The following RABGAP1L variants were observed in gnomAD, a reference collection of about 807,000 sequenced individuals.
RABGAP1L encodes rab GTPase-activating protein 1-like.
A neutral mutation model predicts 137.7 loss-of-function variants in RABGAP1L; 63 were observed. That is an observed-to-expected ratio of 0.46 (90% CI 0.37 to 0.56). The LOEUF (loss-of-function observed/expected upper bound fraction) is 0.56, where lower values mean the gene tolerates loss of function less well. RABGAP1L is among the 20% of genes least tolerant of loss of function. The probability of loss-of-function intolerance (pLI) is 0.00; values close to 1 mark genes in which losing one functional copy is unlikely to be tolerated. For missense variants in RABGAP1L, 1,095 were observed against 1,244.0 expected (o/e 0.88, Z 1.80); for synonymous variants, 431 against 433.7 (o/e 0.99, Z 0.08).
chr1:174,833,202 TTTA>T (rs1361889057), intron 19 of RABGAP1L, among the ~76,000 whole-genome samples: 4 of 151,560 alleles, frequency 2.6e-5, no homozygotes, highest in African/African-American at 9.7e-5. Context: ...GCATAATGTA[TTTA>T]TTTTTATTTT....
chr1:174,593,813 A>AG (rs1669757188), intron 13 of RABGAP1L, among the ~76,000 whole-genome samples: 1 of 1,264 alleles, frequency 7.9e-4, no homozygotes, highest in Non-Finnish European at 1.5e-3. Context: ...TGTGGTGCTG[A>AG]AAAAAATGTA....
At chr1:174,602,084 C>T (rs932413195) in intron 13 of RABGAP1L, among the ~76,000 whole-genome samples, 1 of 152,204 alleles carries the variant, frequency 6.6e-6, no homozygotes, top group African/African-American at 2.4e-5. Flanking sequence ...ACTGTTCCAA[C>T]CTCTACCTGT....
intron 13 of RABGAP1L, among the ~76,000 whole-genome samples, chr1:174,597,116 G>C (rs1453618203): frequency 6.6e-6 from 1 of 152,040 alleles, no homozygotes; most frequent in Non-Finnish European, 1.5e-5. Flanking sequence ...AATTTGGTTT[G>C]CTAGTATTTT....
chr1:174,801,851 T>TA (rs545533546), intron 18 of RABGAP1L, among the ~76,000 whole-genome samples: 476 of 152,310 alleles, frequency 3.1e-3, no homozygotes, highest in Non-Finnish European at 4.4e-3. Flanking sequence ...TGTGAAGTGC[T>TA]AAACTATATT....
intron 1 of RABGAP1L, among the ~76,000 whole-genome samples, chr1:174,211,149 A>G (rs1182693321): frequency 6.6e-6 from 1 of 152,222 alleles, no homozygotes; most frequent in Non-Finnish European, 1.5e-5. Context: ...ATCTGAAGGT[A>G]CAAAACTCAC....
Position 174,448,430 on chromosome 1 carries a change from G to C in RABGAP1L, c.1710+54285G>C. The C allele has an allele frequency of 3.7e-6, 6 of 1,613,188 alleles. No individual in the cohort carries two copies. The highest frequency in any genetic ancestry group is 5.1e-6 in the Non-Finnish European group (6 of 1,179,184). Reference sequence around the variant, plus strand: ...TCTGTCACTTCTCCACTACTCCACAGGTGTCCACGAGTCATTGACTTGCCA... The same window carrying C: ...TCTGTCACTTCTCCACTACTCCACACGTGTCCACGAGTCATTGACTTGCCA... On this transcript the variant is annotated intron_variant, in intron 13 of 25. Coordinates refer to ENST00000681986, the MANE Select transcript of RABGAP1L (RefSeq NM_001366446.1). The surrounding 1 kb of genome is among the most constrained non-coding windows in gnomAD (Gnocchi z 4.2).
chr1:174,974,693 C>T (rs995894927), intron 21 of RABGAP1L, among the ~76,000 whole-genome samples: 3 of 152,202 alleles, frequency 2.0e-5, no homozygotes, highest in African/African-American at 7.2e-5. Flanking sequence ...GATCTGCAAA[C>T]AAAGCTCTAA....
chr1:174,655,024 T>C (rs924540391), intron 14 of RABGAP1L, among the ~76,000 whole-genome samples: 4 of 152,226 alleles, frequency 2.6e-5, no homozygotes. Flanking sequence ...GATTTCTGTG[T>C]ATTTTTAACA....
chr1:174,169,452 A>C (rs746676862), intron 1 of RABGAP1L, among the ~76,000 whole-genome samples: 7 of 151,920 alleles, frequency 4.6e-5, no homozygotes, highest in Non-Finnish European at 1.0e-4. Flanking sequence ...AAACTCCTGA[A>C]CTCGTGATCT....
At chr1:174,223,192 T>C (rs985218444) in intron 3 of RABGAP1L, among the ~76,000 whole-genome samples, 2 of 134,090 alleles carry the variant, frequency 1.5e-5, no homozygotes, top group African/African-American at 5.5e-5. Context: ...CGCTTGAACC[T>C]GGGAGGCAGA....
At chr1:174,411,044 C>T (rs1033271561) in intron 13 of RABGAP1L, among the ~76,000 whole-genome samples, 8 of 152,062 alleles carry the variant, frequency 5.3e-5, no homozygotes, top group Non-Finnish European at 8.8e-5. Flanking sequence ...TCAGCTTGAA[C>T]GATATTGCTA....
intron 19 of RABGAP1L, among the ~76,000 whole-genome samples, chr1:174,939,376 C>T (rs895835930): frequency 2.6e-5 from 4 of 151,830 alleles, no homozygotes; most frequent in Non-Finnish European, 4.4e-5. Flanking sequence ...GCCAACATGG[C>T]GAAACCCCGT....
At chr1:174,547,927 C>G (rs1378796145) in intron 13 of RABGAP1L, 1 of 1,549,844 alleles carries the variant, frequency 6.5e-7, no homozygotes, top group Non-Finnish European at 8.7e-7. Flanking sequence ...ACCCTGTAAC[C>G]AGCTGCAATT....
intron 13 of RABGAP1L, among the ~76,000 whole-genome samples, chr1:174,438,213 GTTGTGCCAGTCTTTCAACT>G (rs2149219576): frequency 6.6e-6 from 1 of 152,236 alleles, no homozygotes; most frequent in Admixed American, 6.5e-5. Context: ...TTGAAATCAG[GTTGTGCCAGTCTTTCAACT>G]TTGTTTTTTG....
intron 13 of RABGAP1L, among the ~76,000 whole-genome samples, chr1:174,520,618 A>G (rs543283329): frequency 1.5e-3 from 224 of 152,328 alleles, no homozygotes; most frequent in Non-Finnish European, 2.3e-3. Flanking sequence ...TAGAATATCA[A>G]TTAGTATGTT....
chr1:174,568,070 G>T (rs888112920), intron 13 of RABGAP1L, among the ~76,000 whole-genome samples: 1 of 152,188 alleles, frequency 6.6e-6, no homozygotes, highest in Non-Finnish European at 1.5e-5. Flanking sequence ...TGTACATGAA[G>T]CATAGCACCA....
At chr1:174,882,502 G>A (rs1285155726) in intron 19 of RABGAP1L, among the ~76,000 whole-genome samples, 1 of 152,148 alleles carries the variant, frequency 6.6e-6, no homozygotes, top group Non-Finnish European at 1.5e-5. Context: ...CACATGTTAT[G>A]TATGAAGGGG....
intron 19 of RABGAP1L, among the ~76,000 whole-genome samples, chr1:174,866,312 A>G (rs1048094419): frequency 2.6e-5 from 4 of 152,204 alleles, no homozygotes; most frequent in African/African-American, 9.6e-5. Flanking sequence ...ATTCAAATGA[A>G]TGAAATTAGA....
intron 18 of RABGAP1L, chr1:174,757,083 C>T: frequency 2.0e-6 from 1 of 512,384 alleles, no homozygotes; most frequent in Non-Finnish European, 4.0e-6. Flanking sequence ...CCCACGGACT[C>T]TGCCACAAAG....
Sources: allele counts gnomAD v4.1 joint callset (sites outside exome capture counted in the v4.1 genomes callset), GRCh38; gene constraint gnomAD v4.1.1; non-coding constraint Gnocchi (gnomAD v3.1); transcripts MANE v1.5; gene names NCBI Gene and HGNC (gene_info 2026-07-23, HGNC 2026-07-21).